Variants in NRG3 observed in about 807,000 individuals in gnomAD.
NRG3 encodes neuregulin 3, also known as pro-neuregulin-3, membrane-bound isoform.
Under a neutral mutation model 66.9 loss-of-function variants are expected in NRG3, and 31 were observed. That is an observed-to-expected ratio of 0.46 (90% CI 0.35 to 0.63). The LOEUF (loss-of-function observed/expected upper bound fraction) is 0.63. Among genes scored for constraint, NRG3 ranks in the 20% least tolerant of loss-of-function variants. The pLI is 0.00. For missense variants in NRG3, 910 were observed against 878.9 expected (o/e 1.04, Z -0.45); for synonymous variants, 393 against 359.4 (o/e 1.09, Z -1.06).
chr10:81,999,707 A>C (rs2061087765), intron 1 of NRG3, among the ~76,000 whole-genome samples: 1 of 152,212 alleles, frequency 6.6e-6, no homozygotes, highest in Non-Finnish European at 1.5e-5. Context: ...GATGAGAATA[A>C]AATGGAATAA....
At chr10:82,016,793 G>C (rs978819362) in intron 1 of NRG3, among the ~76,000 whole-genome samples, 1 of 152,086 alleles carries the variant, frequency 6.6e-6, no homozygotes, top group African/African-American at 2.4e-5. Context: ...CTGAATGTGG[G>C]AATTTAATAG....
At chr10:82,950,717 T>G (rs1169605430) in intron 4 of NRG3, among the ~76,000 whole-genome samples, 1 of 152,188 alleles carries the variant, frequency 6.6e-6, no homozygotes, top group Non-Finnish European at 1.5e-5. Context: ...ACAGAGAAAC[T>G]GCTGGGTTCT....
chr10:82,112,480 A>G (rs1453903294), intron 1 of NRG3, among the ~76,000 whole-genome samples: 1 of 152,116 alleles, frequency 6.6e-6, no homozygotes, highest in Non-Finnish European at 1.5e-5. Flanking sequence ...GCTGTTTTTG[A>G]TGGTGTAGTT....
intron 2 of NRG3, among the ~76,000 whole-genome samples, chr10:82,649,600 C>T (rs2051249214): frequency 6.6e-6 from 1 of 151,050 alleles, no homozygotes; most frequent in Non-Finnish European, 1.5e-5. Flanking sequence ...ATTACAGGCA[C>T]ACACCACCAC....
intron 1 of NRG3, among the ~76,000 whole-genome samples, chr10:82,081,169 T>C: frequency 6.6e-6 from 1 of 152,188 alleles, no homozygotes. Context: ...TGATCTGACA[T>C]CCCACGGTTT....
intron 1 of NRG3, among the ~76,000 whole-genome samples, chr10:82,190,994 C>T (rs751801551): frequency 3.3e-5 from 5 of 152,072 alleles, no homozygotes; most frequent in Admixed American, 6.5e-5. Context: ...AACTCCCCAC[C>T]TCAGGATCTC....
chr10:82,265,111 C>A (rs1465264563), intron 1 of NRG3, among the ~76,000 whole-genome samples: 1 of 152,104 alleles, frequency 6.6e-6, no homozygotes, highest in Non-Finnish European at 1.5e-5. Flanking sequence ...GAGAAAGTCA[C>A]CCTTGATAAT....
At chr10:82,098,052 TATAC>T (rs1326350233) in intron 1 of NRG3, among the ~76,000 whole-genome samples, 5 of 111,756 alleles carry the variant, frequency 4.5e-5, no homozygotes, top group African/African-American at 2.0e-4. Flanking sequence ...CTGCCACATA[TATAC>T]ACACACACAC....
chr10:81,906,750 G>A (rs1311126501), intron 1 of NRG3, among the ~76,000 whole-genome samples: 1 of 152,120 alleles, frequency 6.6e-6, no homozygotes, highest in Admixed American at 6.5e-5. Flanking sequence ...TAGACGAGAT[G>A]GAGGCAGGAG....
chr10:82,682,020 G>C (rs767940978), intron 2 of NRG3, among the ~76,000 whole-genome samples: 28 of 152,224 alleles, frequency 1.8e-4, no homozygotes, highest in Non-Finnish European at 3.7e-4. Context: ...AAGGGAACAA[G>C]GGGTTTTAAA....
chr10:82,716,077 A>C lies in NRG3; in HGVS notation c.954-22500A>C, dbSNP rs12268988. Among the ~76,000 whole-genome samples the C allele has an allele frequency of 4.9e-4, 74 of 152,224 alleles. No individual in the cohort carries two copies. The Middle Eastern group carries it at 0.01, about 21-fold the overall frequency. ...AAACTTTGGAAGAAGACAAACATTCATTCCATAATACACACAGAAAATGAA... is the reference window on the plus strand; with the variant it reads ...AAACTTTGGAAGAAGACAAACATTCCTTCCATAATACACACAGAAAATGAA... On this transcript the variant is annotated intron_variant, in intron 2 of 8. Transcript: ENST00000372141.
At chr10:82,877,108 C>T (rs1218179425) in intron 4 of NRG3, among the ~76,000 whole-genome samples, 2 of 151,686 alleles carry the variant, frequency 1.3e-5, no homozygotes, top group Non-Finnish European at 2.9e-5. Flanking sequence ...TTCTGCCTTA[C>T]AGTTGCTTCA....
intron 3 of NRG3, among the ~76,000 whole-genome samples, chr10:82,776,701 T>C (rs769044671): frequency 6.6e-6 from 1 of 152,000 alleles, no homozygotes; most frequent in Non-Finnish European, 1.5e-5. Context: ...TGATCTAGTC[T>C]GCTGTTGACT....
chr10:82,039,120 G>A (rs1369351936), intron 1 of NRG3, among the ~76,000 whole-genome samples: 1 of 152,112 alleles, frequency 6.6e-6, no homozygotes, highest in East Asian at 1.9e-4. Flanking sequence ...AAGATATTAT[G>A]CAGCTTAAAC....
intron 1 of NRG3, among the ~76,000 whole-genome samples, chr10:81,998,286 T>C (rs1263091799): frequency 6.6e-6 from 1 of 152,248 alleles, no homozygotes; most frequent in Non-Finnish European, 1.5e-5. Flanking sequence ...TTTATCTACA[T>C]TTAATCAGAT....
At chr10:81,957,147 TG>T (rs1471691831) in intron 1 of NRG3, among the ~76,000 whole-genome samples, 2 of 152,096 alleles carry the variant, frequency 1.3e-5, no homozygotes, top group Non-Finnish European at 2.9e-5. Context: ...CCCTAGGTGA[TG>T]GCAAAACTTG....
intron 2 of NRG3, among the ~76,000 whole-genome samples, chr10:82,438,872 T>A (rs1323996645): frequency 6.6e-6 from 1 of 152,072 alleles, no homozygotes; most frequent in African/African-American, 2.4e-5. Flanking sequence ...TCTAGACAAT[T>A]TTGATGACAG....
intron 4 of NRG3, among the ~76,000 whole-genome samples, chr10:82,909,951 A>G (rs1365351004): frequency 6.6e-6 from 1 of 152,226 alleles, no homozygotes; most frequent in Non-Finnish European, 1.5e-5. Flanking sequence ...TTGAAATTCT[A>G]TGCTGAAAGT....
chr10:82,801,538 T>C (rs984120705), intron 3 of NRG3, among the ~76,000 whole-genome samples: 5 of 152,194 alleles, frequency 3.3e-5, no homozygotes, highest in Admixed American at 2.0e-4. Context: ...AAGTAAGGGT[T>C]AATCATTGTG....
Sources: allele counts gnomAD v4.1 joint callset (sites outside exome capture counted in the v4.1 genomes callset), GRCh38; gene constraint gnomAD v4.1.1; transcripts MANE v1.5; gene names NCBI Gene and HGNC (gene_info 2026-07-23, HGNC 2026-07-21).